CLDN18: variants seen among roughly 807,000 people sequenced by gnomAD.
The protein encoded by CLDN18 is claudin 18.
CLDN18 carries 20 observed loss-of-function variants against 25.0 expected under a neutral mutation model. The observed-to-expected ratio is 0.80, with a 90% CI of 0.56 to 1.16. The LOEUF is 1.16. CLDN18 is among the 50% of genes most tolerant of loss of function. CLDN18 has a pLI of 0.00. For missense variants in CLDN18, 297 were observed against 345.4 expected, an observed-to-expected ratio of 0.86 and a Z score of 1.11; for synonymous variants, 125 against 135.6, an observed-to-expected ratio of 0.92 and a Z score of 0.54.
At chr3:138,016,531 G>A (rs1486051459) in intron 1 of CLDN18, among the ~76,000 whole-genome samples, 2 of 129,112 alleles carry the variant, frequency 1.5e-5, no homozygotes, top group African/African-American at 2.5e-5. Flanking sequence ...TGGAGAGGGG[G>A]CAAAGATATG....
intron 1 of CLDN18, among the ~76,000 whole-genome samples, chr3:138,003,527 G>A (rs762089374): frequency 6.6e-6 from 1 of 152,168 alleles, no homozygotes; most frequent in Non-Finnish European, 1.5e-5. Context: ...ATATGGGCTA[G>A]GGCAGGTGGA....
chr3:138,013,429 GC>G (rs1248728729), intron 1 of CLDN18, among the ~76,000 whole-genome samples: 2 of 152,202 alleles, frequency 1.3e-5, no homozygotes, highest in Non-Finnish European at 2.9e-5. Context: ...TTTACTTCCT[GC>G]CCACATAAAG....
At chr3:138,013,500 G>A (rs1008022281) in intron 1 of CLDN18, among the ~76,000 whole-genome samples, 1 of 152,254 alleles carries the variant, frequency 6.6e-6, no homozygotes, top group Non-Finnish European at 1.5e-5. Flanking sequence ...TGGGGCAAGA[G>A]AAGAAAGGCT....
At chr3:138,009,284 C>T (rs996496744), upstream of CLDN18, among the ~76,000 whole-genome samples, 1 of 152,192 alleles carries the variant, frequency 6.6e-6, no homozygotes, top group African/African-American at 2.4e-5. Flanking sequence ...TAAGCCTCTC[C>T]GTGACCAGGC....
At chr3:138,025,451 T>C (rs1942316439) in intron 3 of CLDN18, among the ~76,000 whole-genome samples, 1 of 152,222 alleles carries the variant, frequency 6.6e-6, no homozygotes, top group Non-Finnish European at 1.5e-5. Flanking sequence ...GATCTTGTTC[T>C]TGAGAAGAAA....
intron 3 of CLDN18, among the ~76,000 whole-genome samples, chr3:138,029,096 G>T (rs987178998): frequency 1.3e-5 from 2 of 152,154 alleles, no homozygotes; most frequent in South Asian, 4.1e-4. Flanking sequence ...ATGACTACTC[G>T]TTGGCCCATA....
chr3:138,013,628 G>T (rs901733812), intron 1 of CLDN18, among the ~76,000 whole-genome samples: 1 of 152,198 alleles, frequency 6.6e-6, no homozygotes, highest in South Asian at 2.1e-4. Flanking sequence ...GGAGCACATA[G>T]CTATTGGGTG....
upstream of CLDN18, among the ~76,000 whole-genome samples, chr3:138,009,672 T>C (rs1004066491): frequency 6.6e-6 from 1 of 151,948 alleles, no homozygotes; most frequent in Non-Finnish European, 1.5e-5. Flanking sequence ...CCCCAAAAAA[T>C]GGGGATAATA....
intron 1 of CLDN18, among the ~76,000 whole-genome samples, chr3:138,000,813 C>A (rs1159309869): frequency 2.0e-5 from 3 of 152,212 alleles, no homozygotes; most frequent in African/African-American, 7.2e-5. Flanking sequence ...TTGGTCTAAC[C>A]ATTTGCCACT....
intron 3 of CLDN18, among the ~76,000 whole-genome samples, chr3:138,028,872 G>C (rs987124834): frequency 6.6e-6 from 1 of 152,210 alleles, no homozygotes; most frequent in Non-Finnish European, 1.5e-5. Context: ...TGGAACAGAA[G>C]CACCACGAGC....
intron 3 of CLDN18, among the ~76,000 whole-genome samples, chr3:138,028,366 A>T (rs1942351802): frequency 6.6e-6 from 1 of 152,216 alleles, no homozygotes; most frequent in Non-Finnish European, 1.5e-5. Context: ...CACCCAGCCA[A>T]TGTGTGTGCT....
intron 1 of CLDN18, among the ~76,000 whole-genome samples, chr3:137,999,993 G>A (rs2107872624): frequency 6.6e-6 from 1 of 152,220 alleles, no homozygotes; most frequent in South Asian, 2.1e-4. Flanking sequence ...TCTAAGGGGG[G>A]CAATGTAAAC....
chr3:138,010,822 C>T (rs1467811803), intron 1 of CLDN18, among the ~76,000 whole-genome samples: 1 of 152,098 alleles, frequency 6.6e-6, no homozygotes, highest in African/African-American at 2.4e-5. Context: ...AAGCAGGATG[C>T]TGAGTATTTT....
intron 1 of CLDN18, among the ~76,000 whole-genome samples, chr3:138,022,249 C>T (rs190655959): frequency 6.6e-6 from 1 of 152,160 alleles, no homozygotes; most frequent in Non-Finnish European, 1.5e-5. Flanking sequence ...CCCAGTTTGA[C>T]TCAGATGCCC....
At chr3:138,030,110 T>C (rs779762915) in intron 4 of CLDN18, among the ~76,000 whole-genome samples, 16 of 152,266 alleles carry the variant, frequency 1.1e-4, no homozygotes, top group Non-Finnish European at 2.2e-4. Flanking sequence ...AATGTGATCC[T>C]ATTTGAAAGA....
chr3:138,023,286 A>G (rs903125814), intron 1 of CLDN18, among the ~76,000 whole-genome samples: 4 of 152,236 alleles, frequency 2.6e-5, no homozygotes, highest in Non-Finnish European at 5.9e-5. Context: ...TCTATCAGTA[A>G]TTTGAACTCT....
chr3:138,027,391 G>A (rs115687126), intron 3 of CLDN18, among the ~76,000 whole-genome samples: 2,942 of 152,314 alleles, frequency 0.019, 40 homozygotes, highest in Non-Finnish European at 0.029. Context: ...AAGTATTTAG[G>A]TTTGCTAACC....
rs141831820 is a variant in CLDN18 at position 138,019,593 on chromosome 3, A to C, written c.221-4065A>C. On this transcript the variant is annotated intron_variant, in intron 1 of 4. Coordinates refer to ENST00000183605, the MANE Select transcript of CLDN18 (RefSeq NM_016369.4). ...TCTTTCAGTCCAACTCTCCACTCTG[A>C]GTACCTCTGCTGAGCCCTTCTTGAA... Among the ~76,000 whole-genome samples, 54 of 152,308 alleles carry C rather than the reference A, an allele frequency of 3.5e-4. 1 individual carries two copies. Among genetic ancestry groups the C allele is most frequent in the African/African-American group, 1.2e-3 (51 of 41,570 alleles).
chr3:138,010,160 G>T, upstream of CLDN18: 1 of 1,570,998 alleles, frequency 6.4e-7, no homozygotes, highest in East Asian at 2.3e-5. Flanking sequence ...GAGCGCGTTA[G>T]CTTCACACCT....
Sources: allele counts gnomAD v4.1 joint callset (sites outside exome capture counted in the v4.1 genomes callset), GRCh38; gene constraint gnomAD v4.1.1; transcripts MANE v1.5; gene names NCBI Gene and HGNC (gene_info 2026-07-23, HGNC 2026-07-21).